Variants in CHST8 observed in about 807,000 individuals in gnomAD.
CHST8 encodes the protein carbohydrate sulfotransferase 8.
A neutral mutation model predicts 15.0 loss-of-function variants in CHST8; 10 were observed. The observed-to-expected ratio is 0.67, with a 90% CI of 0.41 to 1.13. CHST8 has a LOEUF of 1.13. CHST8 is among the 50% of genes most tolerant of loss of function. The pLI, the probability that CHST8 is intolerant of heterozygous loss-of-function variation, is 0.00. For missense variants in CHST8, 634 were observed against 608.2 expected, an observed-to-expected ratio of 1.04 and a Z score of -0.45; for synonymous variants, 259 against 256.6, an observed-to-expected ratio of 1.01 and a Z score of -0.09.
chr19:33,731,455 A>G (rs995478997), intron 3 of CHST8, among the ~76,000 whole-genome samples: 2 of 152,196 alleles, frequency 1.3e-5, no homozygotes, highest in Non-Finnish European at 2.9e-5. Context: ...CTAATGCATT[A>G]TAATTAGCGT....
chr19:33,638,452 A>G (rs1043198693), intron 1 of CHST8, among the ~76,000 whole-genome samples: 1 of 152,220 alleles, frequency 6.6e-6, no homozygotes, highest in Non-Finnish European at 1.5e-5. Flanking sequence ...TTATGATATC[A>G]GCTCATTGCC....
At chr19:33,734,768 A>G (rs2145330796) in intron 3 of CHST8, among the ~76,000 whole-genome samples, 1 of 152,272 alleles carries the variant, frequency 6.6e-6, no homozygotes, top group Non-Finnish European at 1.5e-5. Flanking sequence ...TGGGCCCAGC[A>G]TACCACCCTG....
rs561137489 is a variant in CHST8, at chr19:33,772,541, C to T, written c.753C>T (p.Tyr251=). The change falls in exon 5 of 5, where the codon TAC becomes TAT. Residue 251 remains tyrosine, a synonymous_variant. Coordinates refer to ENST00000650847, the MANE Select transcript of CHST8 (RefSeq NM_001127895.2). The stretch of plus-strand genomic sequence containing the variant: ...GTATCTTGCACCGTCTCAGCACCTA[C>T]ACCAAGATGCTCTTTGTCCGCGAGC... ...RQGILHRLST[Y]TKMLFVREPF... The T allele has an allele frequency of 2.5e-6, 4 of 1,614,072 alleles. No homozygotes were observed. The South Asian group carries it at 4.4e-5, about 18-fold the overall frequency.
At chr19:33,695,801 T>TTTTCTTTCTTTCTTTCTTTCTTTC (rs748705602) in intron 3 of CHST8, among the ~76,000 whole-genome samples, 27 of 130,374 alleles carry the variant, frequency 2.1e-4, no homozygotes, top group East Asian at 1.2e-3. Context: ...CACATTTTCT[T>TTTTCTTTCTTTCTTTCTTTCTTTC]TTTCTTTCTT....
intron 1 of CHST8, among the ~76,000 whole-genome samples, chr19:33,623,063 C>A (rs963542431): frequency 6.6e-6 from 1 of 152,156 alleles, no homozygotes; most frequent in Non-Finnish European, 1.5e-5. Flanking sequence ...GCCAGGAGGG[C>A]GATCACGGGT....
At position 33,772,975 on chromosome 19, in the gene CHST8, C is replaced by A; in HGVS notation, c.1187C>A (p.Ser396Ter). ...RIAHQYFAQL[S>*]ALQRQRTYDF... The stretch of plus-strand genomic sequence containing the variant: ...GCCCACCAGTACTTCGCCCAACTCT[C>A]GGCCCTGCAAAGGCAGCGCACCTAC... The change falls in exon 5 of 5, where the codon TCG becomes TAG. Residue 396 changes from serine (S) to a stop codon, truncating the protein, a stop_gained. Transcript: ENST00000650847. LOFTEE classifies it high-confidence loss of function. 1.2e-6 allele frequency: 2 copies of A among 1,613,600 alleles called. No homozygotes were observed. The highest frequency in any genetic ancestry group is 1.7e-6 in the Non-Finnish European group (2 of 1,180,026).
chr19:33,744,232 A>C (rs1326125369), intron 3 of CHST8: 4 of 152,216 alleles, frequency 2.6e-5, no homozygotes, highest in African/African-American at 9.7e-5. Context: ...CAAATCTAGC[A>C]CTTCCCCAGT....
intron 1 of CHST8, among the ~76,000 whole-genome samples, chr19:33,628,430 A>G (rs1463697205): frequency 6.6e-6 from 1 of 152,212 alleles, no homozygotes; most frequent in African/African-American, 2.4e-5. Flanking sequence ...CAGAAAGACC[A>G]CTGTGGCCTT....
At chr19:33,737,274 GCT>G (rs1479371311) in intron 3 of CHST8, among the ~76,000 whole-genome samples, 1 of 152,154 alleles carries the variant, frequency 6.6e-6, no homozygotes, top group East Asian at 1.9e-4. Context: ...TTTTCACTTT[GCT>G]CTGTCAGCTC....
In CHST8 at chr19:33,772,251, G is replaced by A. The variant is rs751955294; in HGVS notation, c.463G>A (p.Glu155Lys). 1 of 1,599,600 alleles carries A rather than the reference G, an allele frequency of 6.3e-7. No homozygotes were observed. The highest frequency in any genetic ancestry group is 1.1e-5 in the South Asian group (1 of 90,618). ...RWVSLHRSQQ[E>K]RKRVMQEACA... is the part of the protein sequence containing the mutation. Reference sequence around the variant, plus strand: ...GGTCAGCCTGCACCGGAGCCAGCAGGAGCGCAAGCGGGTGATGCAGGAGGC... The same window carrying A: ...GGTCAGCCTGCACCGGAGCCAGCAGAAGCGCAAGCGGGTGATGCAGGAGGC... Residue 155 changes from glutamate to lysine, a missense_variant, in exon 5 of 5, where the codon GAG becomes AAG. By Grantham distance (56) the Glu-to-Lys change is moderately conservative. Coordinates refer to ENST00000650847, the MANE Select transcript of CHST8 (RefSeq NM_001127895.2).
At chr19:33,634,362 A>G (rs940999667) in intron 1 of CHST8, among the ~76,000 whole-genome samples, 3 of 152,228 alleles carry the variant, frequency 2.0e-5, no homozygotes, top group Non-Finnish European at 4.4e-5. Flanking sequence ...ACCTGGAAAC[A>G]TTATTCAACA....
At chr19:33,627,029 A>G (rs1016622959) in intron 1 of CHST8, among the ~76,000 whole-genome samples, 1 of 138,734 alleles carries the variant, frequency 7.2e-6, no homozygotes, top group African/African-American at 2.7e-5. Flanking sequence ...GCCTCAAGCA[A>G]TCCTTCTGCC....
At chr19:33,627,565 G>A (rs1972072121) in intron 1 of CHST8, among the ~76,000 whole-genome samples, 1 of 152,166 alleles carries the variant, frequency 6.6e-6, no homozygotes. Flanking sequence ...TCCGCACGTA[G>A]AACACCATAC....
At chr19:33,756,223 T>C (rs766521874) in intron 3 of CHST8, among the ~76,000 whole-genome samples, 4 of 152,220 alleles carry the variant, frequency 2.6e-5, no homozygotes, top group Non-Finnish European at 5.9e-5. Context: ...AAATAACAGC[T>C]ATTTCCAGTG....
chr19:33,725,231 C>T (rs1279601317), intron 3 of CHST8, among the ~76,000 whole-genome samples: 3 of 152,020 alleles, frequency 2.0e-5, no homozygotes, highest in East Asian at 1.9e-4. Flanking sequence ...AAGAGGTCCC[C>T]GTGGGGAAGG....
At chr19:33,737,788 C>A (rs972696569) in intron 3 of CHST8, among the ~76,000 whole-genome samples, 1 of 152,158 alleles carries the variant, frequency 6.6e-6, no homozygotes, top group Non-Finnish European at 1.5e-5. Context: ...AGCTAATGCC[C>A]CTTGCCTAAC....
intron 1 of CHST8, among the ~76,000 whole-genome samples, chr19:33,661,712 C>T (rs1355854380): frequency 2.6e-5 from 4 of 152,162 alleles, no homozygotes. Context: ...CTGTTCTTCA[C>T]CAGCAGCTCA....
At chr19:33,746,522 G>A (rs1017156490) in intron 3 of CHST8, among the ~76,000 whole-genome samples, 3 of 152,226 alleles carry the variant, frequency 2.0e-5, no homozygotes, top group East Asian at 1.9e-4. Flanking sequence ...ATGTATATGA[G>A]TAGTTGGTGT....
At chr19:33,739,554 T>G (rs1974147786) in intron 3 of CHST8, among the ~76,000 whole-genome samples, 1 of 152,230 alleles carries the variant, frequency 6.6e-6, no homozygotes, top group Admixed American at 6.5e-5. Flanking sequence ...TTATTTACTT[T>G]TTGCTTCAAA....
Sources: gnomAD v4.1 joint callset for allele counts (sites outside exome capture counted in the v4.1 genomes callset) on GRCh38, gnomAD v4.1.1 for gene constraint, MANE v1.5 for transcripts, NCBI Gene and HGNC (gene_info 2026-07-23, HGNC 2026-07-21) for gene names.